The following SMIM13 variants were observed in gnomAD, a reference collection of about 807,000 sequenced individuals.
The protein encoded by SMIM13 is UPF0766 protein C6orf228.
SMIM13 carries 3 observed loss-of-function variants against 5.9 expected under a neutral mutation model. The observed-to-expected ratio is 0.51, with a 90% CI of 0.23 to 1.31. The LOEUF is 1.31. SMIM13 is among the 40% of genes most tolerant of loss of function. The pLI is 0.18. For missense variants in SMIM13, 85 were observed against 109.9 expected (o/e 0.77, Z 1.01); for synonymous variants, 55 against 46.0 (o/e 1.19, Z -0.79).
At chr6:11,109,963 C>G (rs145980604) in intron 1 of SMIM13, among the ~76,000 whole-genome samples, 2 of 152,280 alleles carry the variant, frequency 1.3e-5, no homozygotes, top group African/African-American at 4.8e-5. Flanking sequence ...ATCCATTTTT[C>G]CTTTGCGTAT....
At chr6:11,103,452 TC>T (rs536498436) in intron 1 of SMIM13, 42 of 511,174 alleles carry the variant, frequency 8.2e-5, no homozygotes, top group African/African-American at 7.0e-4. Context: ...CTCCAACATT[TC>T]CCCCCCTCAA....
intron 1 of SMIM13, chr6:11,104,305 G>A: frequency 6.4e-7 from 1 of 1,551,702 alleles, no homozygotes; most frequent in East Asian, 2.4e-5. Flanking sequence ...ATTGGTATTG[G>A]AAGAGAGAGA....
intron 1 of SMIM13, among the ~76,000 whole-genome samples, chr6:11,119,547 G>A (rs1349250503): frequency 6.6e-6 from 1 of 152,046 alleles, no homozygotes; most frequent in Non-Finnish European, 1.5e-5. Context: ...CCAGCTACTC[G>A]GGAGGCAGAG....
At chr6:11,104,319 C>T (rs1310494009) in intron 1 of SMIM13, 3 of 1,551,590 alleles carry the variant, frequency 1.9e-6, no homozygotes, top group Non-Finnish European at 2.6e-6. Context: ...AGAGAGATTG[C>T]CAGGGGCTAT....
chr6:11,107,628 C>A (rs529415792), intron 1 of SMIM13, among the ~76,000 whole-genome samples: 1 of 152,136 alleles, frequency 6.6e-6, no homozygotes, highest in Non-Finnish European at 1.5e-5. Context: ...AAGAAAGAGT[C>A]TTTAAGGTCT....
intron 1 of SMIM13, among the ~76,000 whole-genome samples, chr6:11,127,788 G>T (rs530397095): frequency 5.8e-4 from 88 of 152,218 alleles, no homozygotes; most frequent in Non-Finnish European, 1.1e-3. Context: ...AGGAGTATTT[G>T]TGTGGGGACA....
At chr6:11,122,065 C>T (rs1311290732) in intron 1 of SMIM13, among the ~76,000 whole-genome samples, 1 of 152,194 alleles carries the variant, frequency 6.6e-6, no homozygotes, top group Non-Finnish European at 1.5e-5. Context: ...CTTGGCCAGT[C>T]TCCACAATTC....
At chr6:11,132,267 T>C (rs561708195) in intron 1 of SMIM13, among the ~76,000 whole-genome samples, 1 of 152,170 alleles carries the variant, frequency 6.6e-6, no homozygotes, top group South Asian at 2.1e-4. Flanking sequence ...AGATGGACAA[T>C]AAAAAGTGTT....
At chr6:11,120,463 G>A (rs1026686088) in intron 1 of SMIM13, among the ~76,000 whole-genome samples, 2 of 152,032 alleles carry the variant, frequency 1.3e-5, no homozygotes, top group East Asian at 3.9e-4. Context: ...AGCTCTCTGG[G>A]GTGTTATTTT....
At chr6:11,105,356 T>C in intron 1 of SMIM13, 1 of 1,440,720 alleles carries the variant, frequency 6.9e-7, no homozygotes. Context: ...CCAATGGAAC[T>C]CCTGGTGGTG....
intron 1 of SMIM13, chr6:11,105,081 C>T (rs74690822): frequency 4.5e-4 from 722 of 1,614,138 alleles, no homozygotes; most frequent in Non-Finnish European, 5.5e-4. Context: ...AGGGTCCCAT[C>T]GATAGGAAAT....
chr6:11,134,670 T>C lies in SMIM13; in HGVS notation c.*68T>C. On this transcript the variant is annotated 3_prime_UTR_variant, in exon 2 of 2. Transcript: ENST00000416247. ...TCTTTTACTGACTTCGCTTTGAAATTTACTAATGACTGAAGAACATTTGTA... is the reference window on the plus strand; with the variant it reads ...TCTTTTACTGACTTCGCTTTGAAATCTACTAATGACTGAAGAACATTTGTA... 1.7e-6 allele frequency: 2 copies of C among 1,154,828 alleles called. No individual in the cohort carries two copies. The highest frequency in any genetic ancestry group is 3.1e-5 in the African/African-American group (2 of 63,566). 71.5% of individuals were successfully genotyped at this position (1,154,828 alleles called of 1,614,324 possible).
intron 1 of SMIM13, among the ~76,000 whole-genome samples, chr6:11,098,239 C>T (rs567946344): frequency 9.2e-5 from 14 of 152,316 alleles, no homozygotes; most frequent in African/African-American, 3.4e-4. Context: ...GTTGTCTCTG[C>T]TTTCTCACCT....
At chr6:11,095,067 T>A (rs1049520696) in intron 1 of SMIM13, among the ~76,000 whole-genome samples, 1 of 152,222 alleles carries the variant, frequency 6.6e-6, no homozygotes, top group African/African-American at 2.4e-5. Flanking sequence ...GATTTCTTTG[T>A]ACATGTATAG....
At chr6:11,133,695 G>A (rs540433207) in intron 1 of SMIM13, among the ~76,000 whole-genome samples, 148 of 150,692 alleles carry the variant, frequency 9.8e-4, no homozygotes, top group African/African-American at 3.4e-3. Flanking sequence ...CCTTATTAGC[G>A]AACATTTAAA....
rs115473903 is a variant in SMIM13 at position 11,121,083 on chromosome 6, A to G, written c.77-13320A>G. Reference sequence around the variant, plus strand: ...CACAGAAGTGAGTGCTCTTTTGCCTATCTCAGAATACACACCCTCTATTGC... The same window carrying G: ...CACAGAAGTGAGTGCTCTTTTGCCTGTCTCAGAATACACACCCTCTATTGC... On this transcript the variant is annotated intron_variant, in intron 1 of 1. Transcript: ENST00000416247. Among the ~76,000 whole-genome samples the G allele has an allele frequency of 4.4e-3, 675 of 152,340 alleles. 3 individuals carry two copies. The highest frequency in any genetic ancestry group is 0.015 in the African/African-American group (636 of 41,574).
intron 1 of SMIM13, among the ~76,000 whole-genome samples, chr6:11,117,157 A>ATTTTTTTTTTTTTTTTT (rs1341431576): frequency 8.6e-6 from 1 of 116,894 alleles, no homozygotes; most frequent in South Asian, 2.8e-4. Flanking sequence ...CGCCCGGCTA[A>ATTTTTTTTTTTTTTTTT]TTTTTGTATT....
At position 11,102,399 on chromosome 6, in the gene SMIM13, C is replaced by T. The variant is rs1581910498; in HGVS notation, c.76+8010C>T. On this transcript the variant is annotated intron_variant, in intron 1 of 1. Coordinates refer to ENST00000416247, the MANE Select transcript of SMIM13 (RefSeq NM_001135575.2). The stretch of plus-strand genomic sequence containing the variant: ...AGATTGAGGTAAAATGTGTTGATTA[C>T]AGAAAAGTGTGAACAAATTTTGTAG... 2.6e-5 allele frequency: 4 copies of T among 152,276 alleles called. No homozygotes were observed. In the South Asian group the frequency reaches 8.3e-4, roughly 32 times the overall value. 9.4% of individuals were successfully genotyped at this position (152,276 alleles called of 1,614,324 possible). A position where few individuals can be genotyped will look rare whatever the true frequency, so the allele number is the denominator to read the frequency against.
intron 1 of SMIM13, chr6:11,104,881 CTG>C (rs760104349): frequency 1.9e-6 from 3 of 1,614,066 alleles, no homozygotes; most frequent in African/African-American, 2.7e-5. Context: ...ACATTACAGA[CTG>C]TACTTGGAAG....
Sources: allele counts gnomAD v4.1 joint callset (sites outside exome capture counted in the v4.1 genomes callset), GRCh38; gene constraint gnomAD v4.1.1; transcripts MANE v1.5; gene names NCBI Gene and HGNC (gene_info 2026-07-23, HGNC 2026-07-21).